FKBP9: variants seen among roughly 807,000 people sequenced by gnomAD.
FKBP9 encodes peptidyl-prolyl cis-trans isomerase FKBP9.
In FKBP9, 27 loss-of-function variants were observed where a neutral mutation model predicts 55.6. The observed-to-expected ratio is 0.49, with a 90% CI of 0.36 to 0.67. The LOEUF is 0.67. Ranked by LOEUF, FKBP9 falls within the 30% of genes least tolerant of loss-of-function variation. FKBP9 has a pLI of 0.00. For synonymous variants in FKBP9, 267 were observed against 296.5 expected (o/e 0.90, Z 1.02); for missense variants, 539 against 742.8 (o/e 0.73, Z 3.19).
chr7:32,988,783 G>A, intron 6 of FKBP9, 131 bp downstream of exon 6: 1 of 872,194 alleles, frequency 1.1e-6, no homozygotes, highest in Non-Finnish European at 1.7e-6. Context: ...GCTGGAAAGT[G>A]TAGTGTGTGA....
chr7:32,997,939 C>T (rs1219954870), intron 7 of FKBP9, among the ~76,000 whole-genome samples: 4 of 152,132 alleles, frequency 2.6e-5, no homozygotes, highest in Non-Finnish European at 4.4e-5. Flanking sequence ...CTCTAAAGAG[C>T]GTGATGGAAA....
In FKBP9 at chr7:32,975,163, T is replaced by A; in HGVS notation, c.368-19T>A. 1.2e-6 allele frequency: 2 copies of A among 1,605,794 alleles called. No individual in the cohort carries two copies. The highest frequency in any genetic ancestry group is 1.7e-6 in the Non-Finnish European group (2 of 1,172,638). On this transcript the variant is annotated intron_variant, in intron 2 of 9. Coordinates refer to ENST00000242209, the MANE Select transcript of FKBP9 (RefSeq NM_007270.5). Reference sequence around the variant, plus strand: ...AAAGGCAGCAACTGTGAACTCAGTGTGTAATCTTTAATTTCTAGCTGGTGT... The same window carrying A: ...AAAGGCAGCAACTGTGAACTCAGTGAGTAATCTTTAATTTCTAGCTGGTGT...
At chr7:32,997,086 G>A (rs1465140335) in intron 7 of FKBP9, among the ~76,000 whole-genome samples, 1 of 151,730 alleles carries the variant, frequency 6.6e-6, no homozygotes, top group African/African-American at 2.4e-5. Context: ...GAGCCTCCGC[G>A]CCCGGCCAAG....
chr7:32,986,068 C>T lies in FKBP9; in HGVS notation c.894-2439C>T, dbSNP rs144898806. Reference sequence around the variant, plus strand: ...ACGACTTCACTTTTCCATTGGGGAACAGGATGGTTTTGCATTTACTTGTCT... The same window carrying T: ...ACGACTTCACTTTTCCATTGGGGAATAGGATGGTTTTGCATTTACTTGTCT... On this transcript the variant is annotated intron_variant, in intron 5 of 9. Transcript: ENST00000242209. Among the ~76,000 whole-genome samples the T allele has an allele frequency of 8.1e-3, 1,236 of 152,240 alleles. 19 individuals are homozygous for T. The highest frequency in any genetic ancestry group is 0.028 in the African/African-American group (1,180 of 41,558).
chr7:32,990,889 CAA>C (rs769019821), intron 6 of FKBP9, among the ~76,000 whole-genome samples: 4 of 151,728 alleles, frequency 2.6e-5, no homozygotes, highest in Non-Finnish European at 5.9e-5. Context: ...CAAGAAACGT[CAA>C]GTTGGTTGGA....
chr7:32,988,593 T>C lies in FKBP9; in HGVS notation c.980T>C (p.Ile327Thr), dbSNP rs148054453. 1.5e-5 allele frequency: 25 copies of C among 1,613,848 alleles called. No individual in the cohort carries two copies. Among genetic ancestry groups the C allele is most frequent in the African/African-American group, 4.0e-5 (3 of 74,926 alleles). The change falls in exon 6 of 10, where the codon ATT (isoleucine) becomes ACT (threonine). Residue 327 changes from isoleucine (I) to threonine (T), a missense_variant. Around this residue, in one of 4 missense-constraint regions of FKBP9, gnomAD observed 172 missense variants for 205.3 expected, o/e 0.84. Transcript: ENST00000242209. The stretch of plus-strand genomic sequence containing the variant: ...GATGAAGGTCTACTTGGTGTTTGCA[T>C]TGGAGAAAAGCGAAGGATTGTGGTC... ...GMDEGLLGVC[I>T]GEKRRIVVPP...
At chr7:32,973,271 G>A (rs1784287267) in intron 1 of FKBP9, among the ~76,000 whole-genome samples, 1 of 152,152 alleles carries the variant, frequency 6.6e-6, no homozygotes, top group Non-Finnish European at 1.5e-5. Context: ...AAAGGTGTGA[G>A]TCACAGCCAT....
intron 9 of FKBP9, 76 bp downstream of exon 9, chr7:33,002,915 A>G: frequency 6.6e-7 from 1 of 1,503,918 alleles, no homozygotes; most frequent in Non-Finnish European, 9.1e-7. Context: ...GCCGGTTCTG[A>G]AGGTAAGGAC....
intron 1 of FKBP9, among the ~76,000 whole-genome samples, chr7:32,965,613 C>T (rs994554124): frequency 6.7e-6 from 1 of 149,690 alleles, no homozygotes; most frequent in Non-Finnish European, 1.5e-5. Context: ...GCCTGACCAA[C>T]ATGGTGAAAC....
In FKBP9 at chr7:32,980,564, G is replaced by C. The variant is rs377017566; in HGVS notation, c.893+11G>C. ...CCTCTTTGATTCCAGGTAAGGAAAT[G>C]ATTAAAGTCTTCAATTGCCAGAACA... On this transcript the variant is annotated intron_variant, in intron 5 of 9. Coordinates refer to ENST00000242209, the MANE Select transcript of FKBP9 (RefSeq NM_007270.5). 12 of 1,611,964 alleles carry C rather than the reference G, an allele frequency of 7.4e-6. No individual in the cohort carries two copies. The African/African-American group carries it at 1.3e-4, about 18-fold the overall frequency.
intron 6 of FKBP9, among the ~76,000 whole-genome samples, chr7:32,995,418 C>T (rs1023251312): frequency 2.6e-5 from 4 of 152,144 alleles, no homozygotes; most frequent in African/African-American, 9.7e-5. Context: ...GTGTCCCCCA[C>T]GCCCCTGGGA....
chr7:32,974,592 C>G (rs746007783), intron 1 of FKBP9, 25 bp from the exon 2 acceptor site: 1 of 1,603,818 alleles, frequency 6.2e-7, no homozygotes, highest in African/African-American at 1.3e-5. Flanking sequence ...TTTTCTTTCT[C>G]TTTCCCTACC....
At chr7:32,973,689 T>TG (rs1562565511) in intron 1 of FKBP9, among the ~76,000 whole-genome samples, 56 of 82,290 alleles carry the variant, frequency 6.8e-4, no homozygotes, top group Middle Eastern at 6.3e-3. Flanking sequence ...GTTGTTTTTT[T>TG]TTTTTTTTTT....
chr7:32,988,106 G>A (rs1784610910), intron 5 of FKBP9, among the ~76,000 whole-genome samples: 1 of 152,144 alleles, frequency 6.6e-6, no homozygotes, highest in African/African-American at 2.4e-5. Flanking sequence ...CTTGAGCCTG[G>A]GAGGTTGAGG....
intron 1 of FKBP9, among the ~76,000 whole-genome samples, chr7:32,966,090 G>T (rs1784141598): frequency 6.8e-6 from 1 of 146,684 alleles, no homozygotes; most frequent in Non-Finnish European, 1.5e-5. Flanking sequence ...CTTCTAGGGA[G>T]GCTGAGGCAG....
intron 6 of FKBP9, among the ~76,000 whole-genome samples, chr7:32,992,277 C>G (rs1784699550): frequency 6.8e-6 from 1 of 147,302 alleles, no homozygotes; most frequent in Non-Finnish European, 1.5e-5. Flanking sequence ...AAACCCACCC[C>G]CTCAGAGGAA....
At chr7:32,960,823 C>G (rs1784007007) in intron 1 of FKBP9, among the ~76,000 whole-genome samples, 1 of 152,236 alleles carries the variant, frequency 6.6e-6, no homozygotes, top group Admixed American at 6.5e-5. Flanking sequence ...TACAGTAAGA[C>G]AGTAGCACAC....
At chr7:32,990,965 C>T in intron 6 of FKBP9, among the ~76,000 whole-genome samples, 1 of 152,128 alleles carries the variant, frequency 6.6e-6, no homozygotes, top group East Asian at 1.9e-4. Flanking sequence ...TTGATTAAAC[C>T]ACAACAGATC....
chr7:32,987,894 T>C (rs1221942238), intron 5 of FKBP9, among the ~76,000 whole-genome samples: 1 of 152,102 alleles, frequency 6.6e-6, no homozygotes, highest in Non-Finnish European at 1.5e-5. Flanking sequence ...TTATAGAGTG[T>C]ACAGGCTGGG....
Sources: gnomAD v4.1 joint callset for allele counts (sites outside exome capture counted in the v4.1 genomes callset) on GRCh38, gnomAD v4.1.1 for gene constraint, gnomAD v4.1.1 regional missense constraint, MANE v1.5 for transcripts, NCBI Gene and HGNC (gene_info 2026-07-23, HGNC 2026-07-21) for gene names.